DOCK3: variants seen among roughly 807,000 people sequenced by gnomAD.
The protein encoded by DOCK3 is dedicator of cytokinesis 3.
A neutral mutation model predicts 265.6 loss-of-function variants in DOCK3; 60 were observed. The observed-to-expected ratio is 0.23, with a 90% CI of 0.18 to 0.28. DOCK3 has a LOEUF of 0.28. DOCK3 is among the 10% of genes least tolerant of loss of function. The pLI, the probability that DOCK3 is intolerant of heterozygous loss-of-function variation, is 1.00. For missense variants in DOCK3, 1,981 were observed against 2,594.3 expected (o/e 0.76, Z 5.14); for synonymous variants, 881 against 938.0 (o/e 0.94, Z 1.11).
At chr3:50,825,472 C>T (rs189239189) in intron 2 of DOCK3, among the ~76,000 whole-genome samples, 134 of 152,304 alleles carry the variant, frequency 8.8e-4, no homozygotes, top group Non-Finnish European at 1.6e-3. Flanking sequence ...TTTACTTCAT[C>T]TCATTTGATG....
intron 1 of DOCK3, among the ~76,000 whole-genome samples, chr3:50,718,541 T>C (rs923346509): frequency 1.3e-5 from 2 of 152,186 alleles, no homozygotes; most frequent in African/African-American, 4.8e-5. Context: ...TTATGTCTTG[T>C]GTTGAGCATT....
intron 22 of DOCK3, among the ~76,000 whole-genome samples, chr3:51,248,392 G>A (rs984325885): frequency 2.6e-5 from 4 of 152,204 alleles, no homozygotes; most frequent in Non-Finnish European, 4.4e-5. Context: ...ACGGGGTTTC[G>A]CTGTGTTGGC....
intron 27 of DOCK3, among the ~76,000 whole-genome samples, chr3:51,296,479 GTT>G (rs758797081): frequency 5.0e-5 from 7 of 140,684 alleles, no homozygotes; most frequent in Non-Finnish European, 6.3e-5. Context: ...ACTTAAATTG[GTT>G]TTTTTTTTTT....
chr3:51,263,309 C>G (rs2079962693), intron 23 of DOCK3, among the ~76,000 whole-genome samples: 1 of 152,162 alleles, frequency 6.6e-6, no homozygotes, highest in Non-Finnish European at 1.5e-5. Flanking sequence ...AATTTCATAT[C>G]CAGCCACACT....
chr3:51,264,923 T>C (rs1253889219), intron 23 of DOCK3, among the ~76,000 whole-genome samples: 2 of 151,920 alleles, frequency 1.3e-5, no homozygotes, highest in Non-Finnish European at 2.9e-5. Flanking sequence ...AGCTGGTTTT[T>C]TGAAAAGATT....
intron 49 of DOCK3, among the ~76,000 whole-genome samples, chr3:51,363,003 TTTGTC>T (rs1461331013): frequency 3.3e-5 from 5 of 152,240 alleles, no homozygotes; most frequent in African/African-American, 9.6e-5. Context: ...AAGTGAGTCT[TTTGTC>T]TTGAGGAATC....
intron 12 of DOCK3, among the ~76,000 whole-genome samples, chr3:51,173,702 C>T (rs1343952394): frequency 6.6e-6 from 1 of 152,056 alleles, no homozygotes; most frequent in Non-Finnish European, 1.5e-5. Context: ...TAGAGATTCC[C>T]TTGTATGGGA....
intron 41 of DOCK3, 51 bp downstream of exon 41, chr3:51,355,074 A>G: frequency 6.3e-7 from 1 of 1,583,626 alleles, no homozygotes; most frequent in Non-Finnish European, 8.6e-7. Flanking sequence ...CTGGGAGGTG[A>G]GATCCACCCA....
At chr3:50,710,944 A>G (rs1355710057) in intron 1 of DOCK3, among the ~76,000 whole-genome samples, 3 of 152,200 alleles carry the variant, frequency 2.0e-5, no homozygotes, top group Admixed American at 6.5e-5. Flanking sequence ...TGTAAGTGGG[A>G]GCTAAGCCAT....
Position 51,195,804 on chromosome 3 carries a change from AG to A in DOCK3, c.1038-12966del, listed in dbSNP as rs538102228. 1.9e-3 allele frequency among the ~76,000 whole-genome samples: 296 copies of A among 152,296 alleles called. 3 individuals are homozygous for A. The highest frequency in any genetic ancestry group is 6.5e-3 in the African/African-American group (270 of 41,558). Reference sequence around the variant, plus strand: ...GAGAATTTTTTTGTAGGGCCAGTCCAGGGGCAATGAATCCCCTTAGTATTTG... The same window carrying A: ...GAGAATTTTTTTGTAGGGCCAGTCCAGGGCAATGAATCCCCTTAGTATTTG... On this transcript the variant is annotated intron_variant, in intron 12 of 52. Transcript: ENST00000266037.
chr3:51,381,049 G>T lies in DOCK3; in HGVS notation c.5584-1G>T. 1 of 1,584,290 alleles carries T rather than the reference G, an allele frequency of 6.3e-7. No individual in the cohort carries two copies. On this transcript the variant is annotated splice_acceptor_variant, in intron 52 of 52. Transcript: ENST00000266037. LOFTEE classifies it high-confidence loss of function. This position sits in a 1 kb window ranked among gnomAD's most constrained non-coding sequence, Gnocchi z 5.6. Reference sequence around the variant, plus strand: ...TAACATGCCCACCCTTTCCTTCGCAGTCTCCTCTCCACCCTATCCCAGCCT... The same window carrying T: ...TAACATGCCCACCCTTTCCTTCGCATTCTCCTCTCCACCCTATCCCAGCCT...
At chr3:50,963,728 G>GATTGC (rs1371992013) in intron 5 of DOCK3, among the ~76,000 whole-genome samples, 1 of 152,206 alleles carries the variant, frequency 6.6e-6, no homozygotes, top group Non-Finnish European at 1.5e-5. Flanking sequence ...TGAGCTGTAA[G>GATTGC]ATTGCTTCAG....
chr3:50,851,194 T>C (rs577529056), intron 3 of DOCK3, among the ~76,000 whole-genome samples: 2 of 152,284 alleles, frequency 1.3e-5, no homozygotes. Context: ...ATCCAGGAGA[T>C]TGAGTACTCT....
chr3:51,178,008 CAAAA>C (rs59962649), intron 12 of DOCK3, among the ~76,000 whole-genome samples: 5 of 138,130 alleles, frequency 3.6e-5, no homozygotes, highest in African/African-American at 1.4e-4. Flanking sequence ...AAAAAACAAA[CAAAA>C]AAAAACTCAA....
intron 22 of DOCK3, among the ~76,000 whole-genome samples, chr3:51,250,425 C>T (rs1269329548): frequency 1.3e-5 from 2 of 152,116 alleles, no homozygotes; most frequent in African/African-American, 4.8e-5. Flanking sequence ...TCAAGACCAG[C>T]CTGGCCAACA....
In DOCK3 at chr3:51,159,249, G is replaced by A. The variant is rs574172843; in HGVS notation, c.834G>A (p.Leu278=). 6 of 1,613,382 alleles carry A rather than the reference G, an allele frequency of 3.7e-6. No homozygotes were observed. The East Asian group carries it at 1.3e-4, about 36-fold the overall frequency. The change falls in exon 11 of 53, where the codon CTG becomes CTA. Residue 278 remains leucine (L), a synonymous_variant. Coordinates refer to ENST00000266037, the MANE Select transcript of DOCK3 (RefSeq NM_004947.5). The stretch of plus-strand genomic sequence containing the variant: ...TTACTTATTTTTTCTCTTAGGATCT[G>A]AGCAGCAAAGATATGAAGAGAGATT... ...IERMCALFTD[L]SSKDMKRDLY...
At chr3:51,113,180 A>AAT (rs138788415) in intron 9 of DOCK3, among the ~76,000 whole-genome samples, 1,563 of 150,402 alleles carry the variant, frequency 0.01, 28 homozygotes, top group African/African-American at 0.031. Context: ...ATAGAGGATA[A>AAT]ATATATATAT....
At chr3:51,157,358 G>T (rs1576271199) in intron 10 of DOCK3, among the ~76,000 whole-genome samples, 1 of 152,040 alleles carries the variant, frequency 6.6e-6, no homozygotes, top group Admixed American at 6.6e-5. Context: ...CCATTCTCCT[G>T]CTTCAGCCTC....
chr3:51,195,417 CTTTTT>C (rs756616391), intron 12 of DOCK3, among the ~76,000 whole-genome samples: 28 of 151,536 alleles, frequency 1.8e-4, no homozygotes, highest in Non-Finnish European at 3.7e-4. Flanking sequence ...GTTTTCTTTT[CTTTTT>C]TTGTTTTTTT....
Sources: allele counts gnomAD v4.1 joint callset (sites outside exome capture counted in the v4.1 genomes callset), GRCh38; gene constraint gnomAD v4.1.1; non-coding constraint Gnocchi (gnomAD v3.1); transcripts MANE v1.5; gene names NCBI Gene and HGNC (gene_info 2026-07-23, HGNC 2026-07-21).